The following RIC8B variants were observed in gnomAD, a reference collection of about 807,000 sequenced individuals.
RIC8B encodes RIC8 guanine nucleotide exchange factor B, also known as chaperone Ric-8B.
RIC8B carries 16 observed loss-of-function variants against 57.5 expected under a neutral mutation model. The observed-to-expected ratio is 0.28, with a 90% CI of 0.19 to 0.42. The LOEUF (loss-of-function observed/expected upper bound fraction) is 0.42. Ranked by LOEUF, RIC8B falls within the 10% of genes least tolerant of loss-of-function variation. The pLI is 1.00. For missense variants in RIC8B, 481 were observed against 677.0 expected (o/e 0.71, Z 3.21); for synonymous variants, 216 against 250.8 (o/e 0.86, Z 1.31).
Position 106,888,818 on chromosome 12 carries a change from G to A in RIC8B, c.*2803G>A, listed in dbSNP as rs1951288566. On this transcript the variant is annotated 3_prime_UTR_variant, in exon 10 of 10. Coordinates refer to ENST00000392837, the MANE Select transcript of RIC8B (RefSeq NM_001330145.2). ...CTGACCTTGGAAGCAGGGTACGGAG[G>A]CGTGTGTCCTAAAATAAAGCATTTG... 6.6e-6 allele frequency: 1 copy of A among 152,250 alleles called. No homozygotes were observed. The highest frequency in any genetic ancestry group is 2.4e-5 in the African/African-American group (1 of 41,442). 9.4% of individuals were successfully genotyped at this position (152,250 alleles called of 1,614,324 possible). A position where few individuals can be genotyped will look rare whatever the true frequency, so the allele number is the denominator to read the frequency against.
intron 9 of RIC8B, among the ~76,000 whole-genome samples, chr12:106,885,371 A>G (rs1951132347): frequency 1.3e-5 from 2 of 152,266 alleles, no homozygotes; most frequent in South Asian, 4.1e-4. Flanking sequence ...AAAGTCGGGG[A>G]GAGAGTTGGG....
intron 7 of RIC8B, among the ~76,000 whole-genome samples, chr12:106,859,872 G>T (rs1032936219): frequency 6.6e-6 from 1 of 151,976 alleles, no homozygotes; most frequent in Non-Finnish European, 1.5e-5. Context: ...TACATTATGT[G>T]CCATATTGCT....
chr12:106,869,285 C>A (rs1229274668), intron 8 of RIC8B, among the ~76,000 whole-genome samples: 3 of 152,044 alleles, frequency 2.0e-5, no homozygotes, highest in Non-Finnish European at 4.4e-5. Context: ...AAAAGTAAAT[C>A]TAATAGTAAT....
At chr12:106,836,750 G>T (rs948571883) in intron 4 of RIC8B, among the ~76,000 whole-genome samples, 9 of 152,100 alleles carry the variant, frequency 5.9e-5, no homozygotes, top group African/African-American at 2.2e-4. Flanking sequence ...AAGTTAAGAG[G>T]ATCTCATCAT....
chr12:106,877,872 C>G (rs1038568383), intron 9 of RIC8B, among the ~76,000 whole-genome samples: 2 of 152,084 alleles, frequency 1.3e-5, no homozygotes, highest in African/African-American at 4.8e-5. Context: ...TTATGTGACG[C>G]AAGACAATTC....
At chr12:106,813,716 A>G (rs1310095746) in intron 2 of RIC8B, among the ~76,000 whole-genome samples, 2 of 152,142 alleles carry the variant, frequency 1.3e-5, no homozygotes, top group African/African-American at 4.8e-5. Flanking sequence ...AGATTAATAG[A>G]AATTTTGTAA....
At chr12:106,806,035 C>T (rs2136246871) in intron 2 of RIC8B, among the ~76,000 whole-genome samples, 1 of 152,274 alleles carries the variant, frequency 6.6e-6, no homozygotes, top group South Asian at 2.1e-4. Flanking sequence ...CAGCAAACTC[C>T]ACCTCCCGGG....
At chr12:106,811,935 A>G (rs769174285) in intron 2 of RIC8B, among the ~76,000 whole-genome samples, 27 of 152,376 alleles carry the variant, frequency 1.8e-4, no homozygotes, top group Non-Finnish European at 3.2e-4. Context: ...TAGAAGAGCT[A>G]CAAAGAATGC....
At chr12:106,875,007 C>T (rs1950600303) in intron 9 of RIC8B, among the ~76,000 whole-genome samples, 1 of 152,082 alleles carries the variant, frequency 6.6e-6, no homozygotes, top group African/African-American at 2.4e-5. Context: ...ATGAAAATAG[C>T]TGATCCCCAA....
intron 2 of RIC8B, among the ~76,000 whole-genome samples, chr12:106,809,942 G>A (rs934978564): frequency 7.9e-5 from 12 of 151,768 alleles, no homozygotes; most frequent in Admixed American, 2.0e-4. Flanking sequence ...TCCTTCTAAT[G>A]GTATTTTTGT....
intron 8 of RIC8B, among the ~76,000 whole-genome samples, chr12:106,869,608 C>T (rs1031628718): frequency 3.3e-5 from 5 of 152,144 alleles, no homozygotes; most frequent in African/African-American, 1.2e-4. Flanking sequence ...AATTTATTAG[C>T]AATTGCTATT....
At chr12:106,787,294 G>C (rs2044074420) in intron 2 of RIC8B, among the ~76,000 whole-genome samples, 1 of 152,152 alleles carries the variant, frequency 6.6e-6, no homozygotes, top group Admixed American at 6.5e-5. Context: ...GAAGTCTCCA[G>C]GGGTTAAAAC....
chr12:106,777,843 A>C (rs1276347282), intron 1 of RIC8B, among the ~76,000 whole-genome samples: 1 of 152,194 alleles, frequency 6.6e-6, no homozygotes, highest in Non-Finnish European at 1.5e-5. Flanking sequence ...CCTAGGAAGC[A>C]CTCAGTAAGT....
At chr12:106,813,372 AG>A (rs2045426081) in intron 2 of RIC8B, among the ~76,000 whole-genome samples, 1 of 151,896 alleles carries the variant, frequency 6.6e-6, no homozygotes, top group South Asian at 2.1e-4. Context: ...TTGTATTTTT[AG>A]TAGAGACGGG....
chr12:106,798,892 G>A (rs963266398), intron 2 of RIC8B, among the ~76,000 whole-genome samples: 2 of 152,016 alleles, frequency 1.3e-5, no homozygotes, highest in Non-Finnish European at 2.9e-5. Context: ...TTGAAATTTA[G>A]CATTTCTTAT....
intron 8 of RIC8B, among the ~76,000 whole-genome samples, chr12:106,860,635 A>G (rs879282372): frequency 6.6e-6 from 1 of 152,192 alleles, no homozygotes; most frequent in Non-Finnish European, 1.5e-5. Context: ...CGTACTTATT[A>G]TCTTCTCCCA....
chr12:106,865,101 T>C (rs1294134030), intron 8 of RIC8B, among the ~76,000 whole-genome samples: 1 of 152,210 alleles, frequency 6.6e-6, no homozygotes, highest in Non-Finnish European at 1.5e-5. Flanking sequence ...AGTCCCTGCT[T>C]TCTGCTCTCT....
intron 2 of RIC8B, chr12:106,798,163 G>A (rs1566050344): frequency 5.5e-6 from 3 of 540,996 alleles, no homozygotes; most frequent in Non-Finnish European, 6.8e-6. Flanking sequence ...TTGATGCCTC[G>A]GATTCATTTT....
intron 4 of RIC8B, among the ~76,000 whole-genome samples, chr12:106,827,275 A>G (rs1277197551): frequency 6.6e-6 from 1 of 152,336 alleles, no homozygotes; most frequent in Non-Finnish European, 1.5e-5. Flanking sequence ...TTTATTCTAT[A>G]TGAATACAAA....
Sources: allele counts gnomAD v4.1 joint callset (sites outside exome capture counted in the v4.1 genomes callset), GRCh38; gene constraint gnomAD v4.1.1; transcripts MANE v1.5; gene names NCBI Gene and HGNC (gene_info 2026-07-23, HGNC 2026-07-21).